The following LGI1 variants were observed in gnomAD, a reference collection of about 807,000 sequenced individuals.
LGI1 encodes leucine-rich glioma-inactivated protein 1.
In LGI1, 11 loss-of-function variants were observed where a neutral mutation model predicts 57.7. The observed-to-expected ratio is 0.19, with a 90% confidence interval of 0.12 to 0.32. The LOEUF (loss-of-function observed/expected upper bound fraction) is 0.32, where lower values mean the gene tolerates loss of function less well. Ranked by LOEUF, LGI1 falls within the 10% of genes least tolerant of loss-of-function variation. LGI1 has a pLI of 1.00. For missense variants in LGI1, 422 were observed against 661.9 expected (o/e 0.64, Z 3.98); for synonymous variants, 222 against 241.9 (o/e 0.92, Z 0.76).
chr10:93,762,187 C>T (rs566533192), intron 2 of LGI1, among the ~76,000 whole-genome samples: 3 of 152,266 alleles, frequency 2.0e-5, no homozygotes, highest in South Asian at 2.1e-4. Context: ...AAACACTGCA[C>T]GTAAGAATCC....
chr10:93,779,360 G>A (rs2059824654), intron 4 of LGI1, among the ~76,000 whole-genome samples: 1 of 138,098 alleles, frequency 7.2e-6, no homozygotes, highest in African/African-American at 2.7e-5. Context: ...AGGAAAAAAT[G>A]TTTCCCTGTC....
At chr10:93,759,805 A>G (rs1213359517) in intron 2 of LGI1, among the ~76,000 whole-genome samples, 2 of 152,188 alleles carry the variant, frequency 1.3e-5, no homozygotes, top group Non-Finnish European at 2.9e-5. Flanking sequence ...AGTTACATAC[A>G]CAGAGGCAAA....
chr10:93,759,035 C>T, intron 2 of LGI1: 1 of 592,244 alleles, frequency 1.7e-6, no homozygotes, highest in Admixed American at 2.9e-5. Context: ...AATCTGTTAA[C>T]CTGTCATGCT....
intron 4 of LGI1, 187 bp from the exon 5 acceptor site, chr10:93,789,912 T>G: frequency 1.7e-6 from 1 of 594,840 alleles, no homozygotes. Flanking sequence ...GGTGTTGAAG[T>G]GAACAGGTTA....
At chr10:93,772,713 TC>T (rs1043233850) in intron 2 of LGI1, 6 of 152,148 alleles carry the variant, frequency 3.9e-5, no homozygotes, top group Non-Finnish European at 8.8e-5. Flanking sequence ...TTCATTTTCT[TC>T]TTTAAGCTTT....
Position 93,766,512 on chromosome 10 carries a change from C to CTTTTTTTTTTTTTTTTTT in LGI1, c.287+7691_287+7692insTTTTTTTTTTTTTTTTTT, listed in dbSNP as rs71031537. Among the ~76,000 whole-genome samples the CTTTTTTTTTTTTTTTTTT allele has an allele frequency of 3.9e-3, 329 of 84,548 alleles. 32 individuals are homozygous for CTTTTTTTTTTTTTTTTTT. Among genetic ancestry groups the CTTTTTTTTTTTTTTTTTT allele is most frequent in the African/African-American group, 4.6e-3 (93 of 20,370 alleles). The allele number at this position is 84,548 out of a possible 152,430, so 55.5% of individuals were successfully genotyped here. A position where few individuals can be genotyped will look rare whatever the true frequency, so the allele number is the denominator to read the frequency against. On this transcript the variant is annotated intron_variant, in intron 2 of 7. Transcript: ENST00000371418. ...TTGGTGCTAAGCATTTTATAGATCT[C>CTTTTTTTTTTTTTTTTTT]TTTTTTTTTTGAGACGGAGTCTCGC... is the stretch of plus-strand genomic sequence containing the variant.
intron 4 of LGI1, among the ~76,000 whole-genome samples, chr10:93,781,314 A>G (rs1220915553): frequency 6.6e-6 from 1 of 152,072 alleles, no homozygotes; most frequent in East Asian, 1.9e-4. Flanking sequence ...AGCCGAGATC[A>G]CGCCATTGCA....
At chr10:93,793,103 A>G in intron 6 of LGI1, 83 bp from the exon 7 acceptor site, 1 of 1,264,722 alleles carries the variant, frequency 7.9e-7, no homozygotes, top group African/African-American at 1.5e-5. Flanking sequence ...CTCTGAAATA[A>G]ATGTATTTCT....
At chr10:93,791,736 C>T (rs1477641162) in intron 5 of LGI1, 4 of 152,150 alleles carry the variant, frequency 2.6e-5, no homozygotes, top group African/African-American at 9.7e-5. Context: ...ACACAGAGAA[C>T]TTGGTGAGTT....
At chr10:93,764,962 C>A (rs1475914021) in intron 2 of LGI1, 1 of 152,220 alleles carries the variant, frequency 6.6e-6, no homozygotes, top group African/African-American at 2.4e-5. Flanking sequence ...ATACTTCTTA[C>A]AGGAAACATG....
chr10:93,766,161 T>C (rs1160658726), intron 2 of LGI1, among the ~76,000 whole-genome samples: 1 of 152,136 alleles, frequency 6.6e-6, no homozygotes, highest in African/African-American at 2.4e-5. Flanking sequence ...CCTGTGGTGG[T>C]TGATGATAAA....
chr10:93,758,987 C>A lies in LGI1; in HGVS notation c.287+156C>A. 3.0e-6 allele frequency: 2 copies of A among 657,114 alleles called. No individual in the cohort carries two copies. Among genetic ancestry groups the A allele is most frequent in the Non-Finnish European group, 5.4e-6 (2 of 370,792 alleles). The allele number at this position is 657,114 out of a possible 1,614,324, so 40.7% of individuals were successfully genotyped here. On this transcript the variant is annotated intron_variant, in intron 2 of 7. Coordinates refer to ENST00000371418, the MANE Select transcript of LGI1 (RefSeq NM_005097.4). The surrounding 1 kb of genome is among the most constrained non-coding windows in gnomAD (Gnocchi z 4.7). The stretch of plus-strand genomic sequence containing the variant: ...GAGAGGTAGATGGGTTTGTTTGCGA[C>A]TTCACACCAACAGTGCAGGTTGATT...
intron 2 of LGI1, chr10:93,763,681 G>A (rs1181144236): frequency 2.6e-5 from 4 of 152,152 alleles, no homozygotes; most frequent in Non-Finnish European, 5.9e-5. Context: ...AAAAACTCGA[G>A]GAGATATTTG....
chr10:93,797,471 T>C lies in LGI1; in HGVS notation c.1342T>C (p.Leu448=), dbSNP rs376203682. The C allele has an allele frequency of 2.5e-6, 4 of 1,614,110 alleles. No homozygotes were observed. The highest frequency in any genetic ancestry group is 3.4e-6 in the Non-Finnish European group (4 of 1,180,046). Residue 448 remains leucine (L), a synonymous_variant, in exon 8 of 8, where the codon TTG becomes CTG. Transcript: ENST00000371418. This position sits in a 1 kb window ranked among gnomAD's most constrained non-coding sequence, Gnocchi z 6.5. ...FSVKGDVYIC[L]TRFIGDSKVM... ...AGTGAAAGGGGACGTGTACATTTGC[T>C]TGACAAGATTCATTGGTGATTCCAA...
At position 93,758,188 on chromosome 10, in the gene LGI1, C is replaced by T. The variant is rs1554901888; in HGVS notation, c.44C>T (p.Pro15Leu). 1 of 1,614,144 alleles carries T rather than the reference C, an allele frequency of 6.2e-7. No individual in the cohort carries two copies. Among genetic ancestry groups the T allele is most frequent in the African/African-American group, 1.3e-5 (1 of 75,026 alleles). The change falls in exon 1 of 8, where the codon CCC becomes CTC. Residue 15 changes from proline to leucine, a missense_variant. This residue lies in a region of LGI1 where 58 missense variants were observed against 61.8 expected (regional missense o/e 0.94). Coordinates refer to ENST00000371418, the MANE Select transcript of LGI1 (RefSeq NM_005097.4). The surrounding 1 kb of genome is among the most constrained non-coding windows in gnomAD (Gnocchi z 4.7). ...AAAAGGATGGGAAATGCCTGCATTC[C>T]CCTGAAAAGAATTGCTTATTTCCTA... ...RSKRMGNACI[P>L]LKRIAYFLCL... is the part of the protein sequence containing the mutation.
chr10:93,793,125 A>T, intron 6 of LGI1, 61 bp from the exon 7 acceptor site: 1 of 1,401,186 alleles, frequency 7.1e-7, no homozygotes, highest in Non-Finnish European at 9.9e-7. Flanking sequence ...GTGAATATTT[A>T]AGATCTAGCC....
intron 7 of LGI1, among the ~76,000 whole-genome samples, chr10:93,795,752 T>C (rs923900376): frequency 6.6e-6 from 1 of 152,228 alleles, no homozygotes; most frequent in Non-Finnish European, 1.5e-5. Context: ...TCAGTATTGG[T>C]ACATGTGTTG....
chr10:93,768,737 A>G (rs1394937372), intron 2 of LGI1: 1 of 152,222 alleles, frequency 6.6e-6, no homozygotes, highest in Non-Finnish European at 1.5e-5. Context: ...TGAAATCCAC[A>G]TCCTAAATCC....
intron 2 of LGI1, among the ~76,000 whole-genome samples, chr10:93,774,957 T>C (rs2059778765): frequency 3.9e-5 from 6 of 152,242 alleles, no homozygotes; most frequent in Admixed American, 3.9e-4. Context: ...CTTTAGAATG[T>C]ATGTATAATT....
Sources: gnomAD v4.1 joint callset for allele counts (sites outside exome capture counted in the v4.1 genomes callset) on GRCh38, gnomAD v4.1.1 for gene constraint, gnomAD v4.1.1 regional missense constraint, Gnocchi (gnomAD v3.1) non-coding constraint, MANE v1.5 for transcripts, NCBI Gene and HGNC (gene_info 2026-07-23, HGNC 2026-07-21) for gene names.